Variants in FAT4 observed in about 807,000 individuals in gnomAD.
The protein encoded by FAT4 is FAT atypical cadherin 4.
Under a neutral mutation model 303.9 loss-of-function variants are expected in FAT4, and 84 were observed. That is an observed-to-expected ratio of 0.28 (90% CI 0.23 to 0.33). The LOEUF is 0.33. Ranked by LOEUF, FAT4 falls within the 10% of genes least tolerant of loss-of-function variation. The probability of loss-of-function intolerance (pLI) is 1.00; values close to 1 mark genes in which losing one functional copy is unlikely to be tolerated. For synonymous variants in FAT4, 2,307 were observed against 2,298.8 expected (o/e 1.00, Z -0.10); for missense variants, 6,005 against 6,146.8 (o/e 0.98, Z 0.77).
Position 125,487,543 on chromosome 4 carries a change from G to A in FAT4, c.13021G>A (p.Asp4341Asn). 6.2e-7 allele frequency: 1 copy of A among 1,613,834 alleles called. No individual in the cohort carries two copies. Among genetic ancestry groups the A allele is most frequent in the Non-Finnish European group, 8.5e-7 (1 of 1,179,844 alleles). Residue 4341 changes from aspartate (D) to asparagine (N), a missense_variant, in exon 17 of 18, where the codon GAT (aspartate) becomes AAT (asparagine). Physicochemically the swap from Asp to Asn is conservative, Grantham distance 23. Transcript: ENST00000394329. ...CCCTACTCAGGACTTCGGTGGCCTT[G>A]ATGTGCTTACTATATCACTTGGAGG... ...IHPTQDFGGL[D>N]VLTISLGGIP...
chr4:125,438,694 A>C (rs571392778), intron 8 of FAT4, among the ~76,000 whole-genome samples: 1 of 152,304 alleles, frequency 6.6e-6, no homozygotes, highest in East Asian at 1.9e-4. Context: ...ATATTTTCAC[A>C]GACAAAGTAA....
rs767701571 is a variant in FAT4 at position 125,490,612 on chromosome 4, A to AT, written c.13797dup (p.Ile4600TyrfsTer24). The AT allele has an allele frequency of 6.2e-7, 1 of 1,614,148 alleles. No individual in the cohort carries two copies. The highest frequency in any genetic ancestry group is 1.1e-5 in the South Asian group (1 of 91,082). On this transcript the variant is annotated frameshift_variant, in exon 18 of 18. Transcript: ENST00000394329. LOFTEE classifies it high-confidence loss of function. ...CCCTACCTTATCTATGATGAAACTG[A>AT]TATTCCTCACAACTCAGAAACCATC...
At chr4:125,391,823 A>C (rs923839054) in intron 2 of FAT4, among the ~76,000 whole-genome samples, 3 of 152,174 alleles carry the variant, frequency 2.0e-5, no homozygotes, top group African/African-American at 7.2e-5. Flanking sequence ...ATAGTGGATA[A>C]CTTTGATTAA....
In FAT4 at chr4:125,444,869, A is replaced by G. The variant is rs143766506; in HGVS notation, c.7200-1424A>G. ...AAAAATAAAATTACACAATTCTCAAATCCAGTTTTCTACACTTTGTAAAAC... is the reference window on the plus strand; with the variant it reads ...AAAAATAAAATTACACAATTCTCAAGTCCAGTTTTCTACACTTTGTAAAAC... On this transcript the variant is annotated intron_variant, in intron 8 of 17. Transcript: ENST00000394329. Among the ~76,000 whole-genome samples, 403 of 152,170 alleles carry G rather than the reference A, an allele frequency of 2.6e-3. 2 individuals carry two copies. Among genetic ancestry groups the G allele is most frequent in the African/African-American group, 9.1e-3 (380 of 41,536 alleles).
At chr4:125,339,000 C>T (rs1731674231) in intron 2 of FAT4, among the ~76,000 whole-genome samples, 2 of 152,050 alleles carry the variant, frequency 1.3e-5, no homozygotes, top group African/African-American at 4.8e-5. Context: ...ATGTGCTTTC[C>T]CTTTCCTTCC....
rs536966028 is a variant in FAT4 at position 125,343,132 on chromosome 4, T to C, written c.5175+21546T>C. On this transcript the variant is annotated intron_variant, in intron 2 of 17. Transcript: ENST00000394329. ...TATTCATATATTTTGGTTTCCAAAA[T>C]AGTGGTTTTTATAAGGCCTCAATTT... is the stretch of plus-strand genomic sequence containing the variant. Among the ~76,000 whole-genome samples the C allele has an allele frequency of 1.4e-3, 208 of 152,280 alleles. 1 individual carries two copies. The highest frequency in any genetic ancestry group is 4.9e-3 in the African/African-American group (205 of 41,568).
At chr4:125,384,927 T>G (rs928626778) in intron 2 of FAT4, among the ~76,000 whole-genome samples, 5 of 150,424 alleles carry the variant, frequency 3.3e-5, no homozygotes, top group African/African-American at 1.2e-4. Context: ...AGTAACAAAA[T>G]AATTTTTACT....
chr4:125,436,467 T>G (rs1295666159), intron 8 of FAT4, among the ~76,000 whole-genome samples: 1 of 152,136 alleles, frequency 6.6e-6, no homozygotes, highest in Non-Finnish European at 1.5e-5. Context: ...GATATACACA[T>G]TTGAGAGTCA....
At chr4:125,453,704 TAA>T (rs61411789) in intron 10 of FAT4, among the ~76,000 whole-genome samples, 52,428 of 144,708 alleles carry the variant, frequency 0.36, 9,621 homozygotes, top group East Asian at 0.66. Context: ...GACTCTGTCT[TAA>T]AAAAAAAAAA....
chr4:125,370,965 G>A (rs1256440521), intron 2 of FAT4, among the ~76,000 whole-genome samples: 1 of 152,068 alleles, frequency 6.6e-6, no homozygotes, highest in East Asian at 1.9e-4. Context: ...GGCCAACGTG[G>A]TGAAACCTCG....
In FAT4 at chr4:125,415,784, C is replaced by A; in HGVS notation, c.6821C>A (p.Thr2274Lys). The A allele has an allele frequency of 6.2e-7, 1 of 1,612,574 alleles. No individual in the cohort carries two copies. The highest frequency in any genetic ancestry group is 8.5e-7 in the Non-Finnish European group (1 of 1,178,876). Residue 2274 changes from threonine (T) to lysine (K), a missense_variant, in exon 6 of 18, where the codon ACA (threonine) becomes AAA (lysine). Physicochemically the swap from Thr to Lys is moderately conservative, Grantham distance 78. Coordinates refer to ENST00000394329, the MANE Select transcript of FAT4 (RefSeq NM_001291303.3). ...GTAAATGTCCCTGAGAATTTAGGGA[C>A]ACTACCCAGAACAATTCTTCAGGTC... ...YSVNVPENLG[T>K]LPRTILQVVA...
chr4:125,343,017 A>G (rs1293073102), intron 2 of FAT4, among the ~76,000 whole-genome samples: 1 of 152,178 alleles, frequency 6.6e-6, no homozygotes, highest in East Asian at 1.9e-4. Context: ...TGTTTTAATA[A>G]CTACATAGCA....
Position 125,415,301 on chromosome 4 carries a change from A to G in FAT4, c.6338A>G (p.Asp2113Gly). 1 of 1,614,084 alleles carries G rather than the reference A, an allele frequency of 6.2e-7. No homozygotes were observed. The highest frequency in any genetic ancestry group is 8.5e-7 in the Non-Finnish European group (1 of 1,179,984). ...DGEVRLTGEL[D>G]REEVSNYTLT... Reference sequence around the variant, plus strand: ...GAAGTGAGGCTCACTGGAGAACTGGACAGAGAAGAAGTTTCTAATTATACT... The same window carrying G: ...GAAGTGAGGCTCACTGGAGAACTGGGCAGAGAAGAAGTTTCTAATTATACT... The change falls in exon 6 of 18, where the codon GAC becomes GGC. Residue 2113 changes from aspartate (D) to glycine (G), a missense_variant. Asp to Gly is a moderately conservative substitution (Grantham distance 94). Transcript: ENST00000394329.
Position 125,316,745 on chromosome 4 carries a change from T to C in FAT4, c.334T>C (p.Ser112Pro), listed in dbSNP as rs1248268601. ...CGACGTGATCAACCTGGTGGTCCTT[T>C]CCAGCGCGCCCACCTACCCCACCGA... ...PSDVINLVVL[S>P]SAPTYPTEVR... Residue 112 changes from serine to proline, a missense_variant, in exon 2 of 18, where the codon TCC (serine) becomes CCC (proline). Ser to Pro is a moderately conservative substitution (Grantham distance 74, BLOSUM62 -1). Transcript: ENST00000394329. This position sits in a 1 kb window ranked among gnomAD's most constrained non-coding sequence, Gnocchi z 5.7. The C allele has an allele frequency of 6.2e-7, 1 of 1,613,974 alleles. No homozygotes were observed. Among genetic ancestry groups the C allele is most frequent in the South Asian group, 1.1e-5 (1 of 91,074 alleles).
At chr4:125,415,844 A>G in intron 6 of FAT4, 38 bp downstream of exon 6, 1 of 1,468,360 alleles carries the variant, frequency 6.8e-7, no homozygotes, top group Non-Finnish European at 9.3e-7. Context: ...TGTCTTAATT[A>G]TAAGACATCT....
At chr4:125,374,414 A>G (rs1171838867) in intron 2 of FAT4, among the ~76,000 whole-genome samples, 1 of 152,196 alleles carries the variant, frequency 6.6e-6, no homozygotes, top group Non-Finnish European at 1.5e-5. Context: ...ATAAGAGATT[A>G]TTATATTCTT....
intron 8 of FAT4, among the ~76,000 whole-genome samples, chr4:125,445,878 G>T (rs1362323567): frequency 1.3e-5 from 2 of 152,052 alleles, no homozygotes; most frequent in African/African-American, 4.8e-5. Context: ...ATCTTCTCTG[G>T]TTTATTATGG....
intron 2 of FAT4, among the ~76,000 whole-genome samples, chr4:125,363,458 T>A (rs1732747773): frequency 6.6e-6 from 1 of 151,846 alleles, no homozygotes; most frequent in Non-Finnish European, 1.5e-5. Flanking sequence ...TAATTTTTTT[T>A]ATTTTTTCAA....
At position 125,373,920 on chromosome 4, in the gene FAT4, T is replaced by A. The variant is rs993687269; in HGVS notation, c.5176-24864T>A. On this transcript the variant is annotated intron_variant, in intron 2 of 17. Transcript: ENST00000394329. Reference sequence around the variant, plus strand: ...TGAAGAAAATATCTGTATTAGAAAATAATAAGGACTATGTATATATGATTT... The same window carrying A: ...TGAAGAAAATATCTGTATTAGAAAAAAATAAGGACTATGTATATATGATTT... 1.4e-4 allele frequency among the ~76,000 whole-genome samples: 21 copies of A among 150,574 alleles called. 2 individuals carry two copies.
Sources: gnomAD v4.1 joint callset for allele counts (sites outside exome capture counted in the v4.1 genomes callset) on GRCh38, gnomAD v4.1.1 for gene constraint, Gnocchi (gnomAD v3.1) non-coding constraint, MANE v1.5 for transcripts, NCBI Gene and HGNC (gene_info 2026-07-23, HGNC 2026-07-21) for gene names.